SP140: variants seen among roughly 807,000 people sequenced by gnomAD.
SP140 encodes the protein nuclear body protein SP140.
Under a neutral mutation model 125.0 loss-of-function variants are expected in SP140, and 81 were observed. The ratio of observed to expected loss-of-function variants is 0.65; its 90% CI spans 0.54 to 0.78. The LOEUF (loss-of-function observed/expected upper bound fraction) is 0.78. Ranked by LOEUF, SP140 falls within the 30% of genes least tolerant of loss-of-function variation. The pLI is 0.00. For synonymous variants in SP140, 312 were observed against 354.0 expected (o/e 0.88, Z 1.33); for missense variants, 858 against 1,037.0 (o/e 0.83, Z 2.37).
chr2:230,314,578 A>G (rs979864955), downstream of SP140, among the ~76,000 whole-genome samples: 3 of 152,246 alleles, frequency 2.0e-5, no homozygotes, highest in Non-Finnish European at 4.4e-5. Context: ...GAGACTTAGT[A>G]TAAGCCATGG....
At chr2:230,272,590 C>T (rs547571044) in intron 15 of SP140, among the ~76,000 whole-genome samples, 1 of 152,280 alleles carries the variant, frequency 6.6e-6, no homozygotes, top group South Asian at 2.1e-4. Flanking sequence ...TTGTCTTCCA[C>T]CATGATTGTG....
At chr2:230,243,962 C>T (rs1478736095) in intron 5 of SP140, 151 bp downstream of exon 5, 6 of 566,260 alleles carry the variant, frequency 1.1e-5, no homozygotes, top group Non-Finnish European at 1.9e-5. Flanking sequence ...CTAAATTTTC[C>T]TAAGTGTATG....
At chr2:230,230,669 T>C (rs1028107300) in intron 1 of SP140, 3 of 152,248 alleles carry the variant, frequency 2.0e-5, no homozygotes. Flanking sequence ...AGTCAGTTAA[T>C]TTAGATTCCT....
At chr2:230,276,707 A>G (rs1324634527) in intron 15 of SP140, among the ~76,000 whole-genome samples, 1 of 152,210 alleles carries the variant, frequency 6.6e-6, no homozygotes, top group Non-Finnish European at 1.5e-5. Context: ...GAATCTTGGC[A>G]AAGTCAATTG....
chr2:230,288,455 A>ATCTT (rs34638665), intron 18 of SP140, among the ~76,000 whole-genome samples: 8,744 of 123,518 alleles, frequency 0.071, 608 homozygotes, highest in East Asian at 0.14. Flanking sequence ...TAGGCCAACT[A>ATCTT]TCTTTCTTTC....
At chr2:230,252,449 G>A (rs2050516255) in intron 10 of SP140, among the ~76,000 whole-genome samples, 1 of 151,982 alleles carries the variant, frequency 6.6e-6, no homozygotes, top group Non-Finnish European at 1.5e-5. Context: ...AGGGAGGCAG[G>A]AGCAGTCCCA....
chr2:230,269,901 G>T lies in SP140; in HGVS notation c.1392G>T (p.Val464=), dbSNP rs779090681. The change falls in exon 14 of 27, where the codon GTG becomes GTT. Residue 464 remains valine (V), a synonymous_variant. Transcript: ENST00000392045. The stretch of plus-strand genomic sequence containing the variant: ...GTGTCATGTGTTTCTCAGAAGAGGT[G>T]CCAGGAAGCCCAGAAGCAAGGACGG... ...CSCVMCFSEE[V]PGSPEARTES... The T allele has an allele frequency of 3.7e-6, 6 of 1,614,066 alleles. No homozygotes were observed. The highest frequency in any genetic ancestry group is 3.3e-4 in the Middle Eastern group (2 of 6,060).
chr2:230,202,271 A>G (rs1357651002), upstream of SP140, among the ~76,000 whole-genome samples: 1 of 152,226 alleles, frequency 6.6e-6, no homozygotes, highest in Non-Finnish European at 1.5e-5. Flanking sequence ...GACATAAACA[A>G]CATAAACAGA....
intron 12 of SP140, among the ~76,000 whole-genome samples, chr2:230,256,399 C>G (rs535052535): frequency 1.3e-5 from 2 of 151,496 alleles, no homozygotes; most frequent in African/African-American, 4.9e-5. Flanking sequence ...TGGAAACCAT[C>G]ATTCTCAGCA....
intron 7 of SP140, among the ~76,000 whole-genome samples, chr2:230,247,587 A>C (rs1456004341): frequency 6.6e-6 from 1 of 152,182 alleles, no homozygotes; most frequent in Non-Finnish European, 1.5e-5. Flanking sequence ...TTTCCAACTC[A>C]AACAACTCTT....
the SP140 span, among the ~76,000 whole-genome samples, chr2:230,189,191 C>T: frequency 6.6e-6 from 1 of 151,482 alleles, no homozygotes; most frequent in East Asian, 1.9e-4. Flanking sequence ...TTTTTTGTTT[C>T]AATTTTATTT....
Position 230,253,369 on chromosome 2 carries a change from G to A in SP140, c.1111G>A (p.Glu371Lys). ...FDLKTPQVTN[E>K]GEPEKELSLL... ...TCTAAAGACTCCCCAAGTCACTAATGAAGGAGAACCAGAGAAGGAGCTCAG... is the reference window on the plus strand; with the variant it reads ...TCTAAAGACTCCCCAAGTCACTAATAAAGGAGAACCAGAGAAGGAGCTCAG... Residue 371 changes from glutamate to lysine, a missense_variant, in exon 11 of 27, where the codon GAA (glutamate) becomes AAA (lysine). By Grantham distance (56) the Glu-to-Lys change is moderately conservative. Around this residue, in one of 4 missense-constraint regions of SP140, gnomAD observed 791 missense variants for 869.5 expected, o/e 0.91. Coordinates refer to ENST00000392045, the MANE Select transcript of SP140 (RefSeq NM_007237.5). 1 of 1,612,438 alleles carries A rather than the reference G, an allele frequency of 6.2e-7. No homozygotes were observed. Among genetic ancestry groups the A allele is most frequent in the Non-Finnish European group, 8.5e-7 (1 of 1,178,548 alleles).
intron 1 of SP140, chr2:230,207,942 T>G (rs753644058): frequency 1.1e-6 from 1 of 897,066 alleles, no homozygotes; most frequent in Non-Finnish European, 1.9e-6. Flanking sequence ...CTACAAGCCC[T>G]GCATGAGCTG....
chr2:230,303,314 T>C (rs1295067171), intron 22 of SP140, among the ~76,000 whole-genome samples: 2 of 152,248 alleles, frequency 1.3e-5, no homozygotes, highest in East Asian at 3.9e-4. Context: ...CTAGAGGGGA[T>C]GGATAAATTC....
intron 7 of SP140, 78 bp from the exon 8 acceptor site, chr2:230,247,838 T>G: frequency 6.9e-7 from 1 of 1,452,288 alleles, no homozygotes; most frequent in Non-Finnish European, 9.4e-7. Context: ...TTCACTACAA[T>G]CTCCATCATG....
In SP140 at chr2:230,309,386, C is replaced by T. The variant is rs190963937; in HGVS notation, c.2059-538C>T. ...GTCATCTCCACCCACGGTCCTTCCC[C>T]CTCAGAGGTCGGCGTAGAGCCCTCC... is the stretch of plus-strand genomic sequence containing the variant. On this transcript the variant is annotated intron_variant, in intron 22 of 26. Transcript: ENST00000392045. Among the ~76,000 whole-genome samples, 125 of 152,252 alleles carry T rather than the reference C, an allele frequency of 8.2e-4. 1 individual carries two copies. Among genetic ancestry groups the T allele is most frequent in the African/African-American group, 2.8e-3 (116 of 41,564 alleles).
intron 10 of SP140, 35 bp from the exon 11 acceptor site, chr2:230,253,281 G>A (rs2050658093): frequency 2.0e-6 from 3 of 1,469,384 alleles, no homozygotes; most frequent in East Asian, 2.3e-5. Context: ...AATGCACTGA[G>A]GTCTGTGTCC....
intron 23 of SP140, 112 bp downstream of exon 23, chr2:230,310,151 A>G: frequency 9.9e-7 from 1 of 1,009,348 alleles, no homozygotes; most frequent in South Asian, 1.5e-5. Flanking sequence ...GAGCAGGTTC[A>G]TCGGGTACTG....
rs1425399163 is a variant in SP140 at position 230,294,305 on chromosome 2, A to T, written c.2003A>T (p.Tyr668Phe). The change falls in exon 21 of 27, where the codon TAC becomes TTC. Residue 668 changes from tyrosine (Y) to phenylalanine (F), a missense_variant. Physicochemically the swap from Tyr to Phe is conservative, Grantham distance 22. This residue lies in a region of SP140 where 791 missense variants were observed against 869.5 expected (regional missense o/e 0.91). Coordinates refer to ENST00000392045, the MANE Select transcript of SP140 (RefSeq NM_007237.5). ...CTGCCTGATCCTCCAAGAATACGTT[A>T]CAGGAAAAAAAAGGTGATTATTACA... ...GFLPDPPRIRYRKKKRILKSQ... is the reference protein window; with the variant it reads ...GFLPDPPRIRFRKKKRILKSQ... 6.2e-7 allele frequency: 1 copy of T among 1,612,120 alleles called. No individual in the cohort carries two copies. Among genetic ancestry groups the T allele is most frequent in the Admixed American group, 1.7e-5 (1 of 60,012 alleles).
Sources: gnomAD v4.1 joint callset for allele counts (sites outside exome capture counted in the v4.1 genomes callset) on GRCh38, gnomAD v4.1.1 for gene constraint, gnomAD v4.1.1 regional missense constraint, MANE v1.5 for transcripts, NCBI Gene and HGNC (gene_info 2026-07-23, HGNC 2026-07-21) for gene names.